CCBE1: variants seen among roughly 807,000 people sequenced by gnomAD.
The protein encoded by CCBE1 is collagen and calcium binding EGF domains 1, also known as collagen and calcium-binding EGF domain-containing protein 1.
In CCBE1, 37 loss-of-function variants were observed where a neutral mutation model predicts 50.0. The ratio of observed to expected loss-of-function variants is 0.74; its 90% CI spans 0.57 to 0.97. CCBE1 has a LOEUF of 0.97. CCBE1 is among the 50% of genes least tolerant of loss of function. The pLI is 0.00. For missense variants in CCBE1, 538 were observed against 523.8 expected, an observed-to-expected ratio of 1.03 and a Z score of -0.26; for synonymous variants, 234 against 203.7, an observed-to-expected ratio of 1.15 and a Z score of -1.27.
chr18:59,608,175 G>A (rs1234725226), intron 2 of CCBE1, among the ~76,000 whole-genome samples: 1 of 152,160 alleles, frequency 6.6e-6, no homozygotes, highest in East Asian at 1.9e-4. Flanking sequence ...TATAGGTAAT[G>A]GGGTTATTTT....
In CCBE1 at chr18:59,628,872, A is replaced by G. The variant is rs2053819103; in HGVS notation, c.212+67757T>C. Among the ~76,000 whole-genome samples the G allele has an allele frequency of 2.6e-5, 4 of 152,154 alleles. No homozygotes were observed. The South Asian group carries it at 8.3e-4, about 32-fold the overall frequency. Reference sequence around the variant, plus strand: ...CATCCTTGACTTCTGTCCTCACCCCAAATTAGCAAGTCCTATTAGTACCAC... The same window carrying G: ...CATCCTTGACTTCTGTCCTCACCCCGAATTAGCAAGTCCTATTAGTACCAC... On this transcript the variant is annotated intron_variant, in intron 2 of 10. Coordinates refer to ENST00000439986, the MANE Select transcript of CCBE1 (RefSeq NM_133459.4).
intron 5 of CCBE1, among the ~76,000 whole-genome samples, chr18:59,463,264 C>T (rs1050659913): frequency 1.3e-5 from 2 of 152,192 alleles, no homozygotes; most frequent in African/African-American, 2.4e-5. Flanking sequence ...CCAGGGCAGA[C>T]CTTGTCACTG....
intron 2 of CCBE1, among the ~76,000 whole-genome samples, chr18:59,554,452 TAG>T (rs1356481782): frequency 6.6e-6 from 1 of 152,206 alleles, no homozygotes; most frequent in African/African-American, 2.4e-5. Flanking sequence ...GACTTAAAAC[TAG>T]ATTATGCAGC....
At chr18:59,669,887 T>C (rs563258082) in intron 2 of CCBE1, among the ~76,000 whole-genome samples, 1 of 152,356 alleles carries the variant, frequency 6.6e-6, no homozygotes, top group East Asian at 1.9e-4. Flanking sequence ...TGTGTAAATG[T>C]ACCCAGCACA....
At chr18:59,458,139 TCC>T (rs1326788675) in intron 5 of CCBE1, among the ~76,000 whole-genome samples, 43 of 148,842 alleles carry the variant, frequency 2.9e-4, no homozygotes, top group African/African-American at 1.0e-3. Context: ...CATCCATCCA[TCC>T]ATCCATCTAT....
At chr18:59,618,497 C>A (rs1334554893) in intron 2 of CCBE1, among the ~76,000 whole-genome samples, 1 of 150,992 alleles carries the variant, frequency 6.6e-6, no homozygotes, top group African/African-American at 2.4e-5. Flanking sequence ...CGCAGTGGCA[C>A]AATCTCGGCT....
At chr18:59,692,955 AGCACAC>A (rs1178987036) in intron 2 of CCBE1, among the ~76,000 whole-genome samples, 3,794 of 143,148 alleles carry the variant, frequency 0.027, 91 homozygotes, top group Admixed American at 0.055. Flanking sequence ...GTCAAGCCAA[AGCACAC>A]ACACACACAC....
chr18:59,438,048 C>T (rs1910238730), intron 10 of CCBE1, 63 bp downstream of exon 10: 1 of 1,550,582 alleles, frequency 6.4e-7, no homozygotes, highest in Non-Finnish European at 8.9e-7. Flanking sequence ...AACCTATAGG[C>T]TCATCAGAGC....
At chr18:59,551,040 G>GAA (rs1267391021) in intron 2 of CCBE1, among the ~76,000 whole-genome samples, 7 of 111,028 alleles carry the variant, frequency 6.3e-5, no homozygotes, top group African/African-American at 2.3e-4. Context: ...GAAAAGAAAA[G>GAA]AAAAGAAAAA....
At chr18:59,652,034 C>A (rs2054134219) in intron 2 of CCBE1, among the ~76,000 whole-genome samples, 1 of 152,266 alleles carries the variant, frequency 6.6e-6, no homozygotes, top group South Asian at 2.1e-4. Flanking sequence ...CCTCTCCCAC[C>A]CTTCCCAGTC....
intron 2 of CCBE1, among the ~76,000 whole-genome samples, chr18:59,597,155 CA>C (rs1276602884): frequency 1.3e-5 from 2 of 152,238 alleles, no homozygotes; most frequent in Non-Finnish European, 2.9e-5. Flanking sequence ...TCAGCTCTGC[CA>C]CTTCCTAGCT....
chr18:59,510,396 A>T (rs1317783178), intron 2 of CCBE1, among the ~76,000 whole-genome samples: 19 of 152,144 alleles, frequency 1.2e-4, no homozygotes, highest in Admixed American at 1.2e-3. Context: ...AGTCTTTATA[A>T]TATGAATAAT....
intron 2 of CCBE1, among the ~76,000 whole-genome samples, chr18:59,497,038 G>A (rs1913388404): frequency 6.6e-6 from 1 of 152,058 alleles, no homozygotes; most frequent in Admixed American, 6.6e-5. Context: ...TGTACCTTGT[G>A]GAGTTATTTT....
At position 59,652,693 on chromosome 18, in the gene CCBE1, A is replaced by G. The variant is rs530029507; in HGVS notation, c.212+43936T>C. ...AAAGAAAGGATTTTCGGCCGGGCGCAGTGGCTCCCGCCTGTAATCCCAGCA... is the reference window on the plus strand; with the variant it reads ...AAAGAAAGGATTTTCGGCCGGGCGCGGTGGCTCCCGCCTGTAATCCCAGCA... On this transcript the variant is annotated intron_variant, in intron 2 of 10. Transcript: ENST00000439986. Among the ~76,000 whole-genome samples the G allele has an allele frequency of 1.3e-3, 194 of 152,342 alleles. No individual in the cohort carries two copies. In the South Asian group the frequency reaches 0.015, roughly 12 times the overall value.
intron 2 of CCBE1, among the ~76,000 whole-genome samples, chr18:59,561,977 A>T (rs1375738230): frequency 6.6e-6 from 1 of 151,798 alleles, no homozygotes; most frequent in Non-Finnish European, 1.5e-5. Flanking sequence ...CTGCTCACCC[A>T]CCCTCTCCCC....
rs1316648972 is a variant in CCBE1 at position 59,697,376 on chromosome 18, C to T, written c.-34G>A. 8 of 1,540,232 alleles carry T rather than the reference C, an allele frequency of 5.2e-6. No individual in the cohort carries two copies. Among genetic ancestry groups the T allele is most frequent in the Non-Finnish European group, 7.0e-6 (8 of 1,145,344 alleles). On this transcript the variant is annotated 5_prime_UTR_variant, in exon 1 of 11. Transcript: ENST00000439986. The stretch of plus-strand genomic sequence containing the variant: ...CTCCCGGCTTCTTCCCAGCGCCGAG[C>T]TCCGTCCGGACCAAGCGTCCTGCTC...
At chr18:59,661,580 G>T (rs1037072142) in intron 2 of CCBE1, among the ~76,000 whole-genome samples, 3 of 152,176 alleles carry the variant, frequency 2.0e-5, no homozygotes, top group African/African-American at 7.2e-5. Flanking sequence ...GAAACACAGC[G>T]TGAGGTTCCC....
intron 2 of CCBE1, among the ~76,000 whole-genome samples, chr18:59,558,168 T>C (rs1014939125): frequency 6.6e-6 from 1 of 152,220 alleles, no homozygotes. Flanking sequence ...ACTTGGCTTA[T>C]GGAATCAGGG....
intron 4 of CCBE1, among the ~76,000 whole-genome samples, chr18:59,469,242 T>C (rs1021171924): frequency 6.6e-6 from 1 of 152,266 alleles, no homozygotes; most frequent in Admixed American, 6.5e-5. Flanking sequence ...CTTCTCCTGC[T>C]CTTATGTCTC....
Sources: gnomAD v4.1 joint callset for allele counts (sites outside exome capture counted in the v4.1 genomes callset) on GRCh38, gnomAD v4.1.1 for gene constraint, MANE v1.5 for transcripts, NCBI Gene and HGNC (gene_info 2026-07-23, HGNC 2026-07-21) for gene names.